GPR35: variants seen among roughly 807,000 people sequenced by gnomAD.
GPR35 encodes the protein G protein-coupled receptor 35.
For synonymous variants in GPR35, 207 were observed against 198.4 expected, an observed-to-expected ratio of 1.04 and a Z score of -0.36; for missense variants, 372 against 422.5, an observed-to-expected ratio of 0.88 and a Z score of 1.05.
chr2:240,625,886 TG>T (rs1301964668), intron 1 of GPR35, among the ~76,000 whole-genome samples: 27 of 79,540 alleles, frequency 3.4e-4, no homozygotes, highest in African/African-American at 6.8e-4. Context: ...GAGGCTGTGA[TG>T]GGGGTCTCAG....
intron 4 of GPR35, among the ~76,000 whole-genome samples, chr2:240,618,025 G>A (rs540957574): frequency 6.6e-6 from 1 of 152,098 alleles, no homozygotes; most frequent in Admixed American, 6.5e-5. Flanking sequence ...TGTGGTTACT[G>A]GATTTGTCGT....
chr2:240,617,367 T>G (rs1559435024), exon 4 of GPR35: 1 of 653,566 alleles, frequency 1.5e-6, no homozygotes, highest in Non-Finnish European at 2.8e-6. Context: ...GATAAAACTC[T>G]GTGGTTTTAA....
At chr2:240,622,251 T>G (rs777888062), upstream of GPR35, among the ~76,000 whole-genome samples, 3 of 152,170 alleles carry the variant, frequency 2.0e-5, no homozygotes, top group Non-Finnish European at 4.4e-5. Context: ...GTCATAGAAG[T>G]GTGTCCACGC....
At chr2:240,623,341 G>GTGAGGGTGCAAACAGGTCA (rs1559437517), upstream of GPR35, among the ~76,000 whole-genome samples, 2 of 136,352 alleles carry the variant, frequency 1.5e-5, no homozygotes, top group East Asian at 2.2e-4. Flanking sequence ...CAAACAGGTC[G>GTGAGGGTGCAAACAGGTCA]TGAGGGCGCA....
intron 2 of GPR35, among the ~76,000 whole-genome samples, chr2:240,614,631 C>G (rs959023431): frequency 6.6e-5 from 10 of 152,336 alleles, no homozygotes; most frequent in African/African-American, 2.4e-4. Context: ...GGGGGCTCAT[C>G]CCCCAGCATG....
chr2:240,606,047 G>A (rs2125472180), intron 1 of GPR35, among the ~76,000 whole-genome samples: 1 of 152,262 alleles, frequency 6.6e-6, no homozygotes, highest in Admixed American at 6.5e-5. Flanking sequence ...ATAGCTTGCA[G>A]GCCATCTGGT....
chr2:240,617,055 G>A, intron 3 of GPR35: 2 of 725,416 alleles, frequency 2.8e-6, no homozygotes, highest in Non-Finnish European at 5.1e-6. Flanking sequence ...CACCTGGATT[G>A]CAGACTCATG....
At chr2:240,609,935 G>A (rs1031614848) in intron 2 of GPR35, among the ~76,000 whole-genome samples, 2 of 151,360 alleles carry the variant, frequency 1.3e-5, no homozygotes, top group African/African-American at 4.8e-5. Flanking sequence ...TATTCTTGAT[G>A]AATTGACCCT....
At chr2:240,613,944 C>G (rs998715851) in intron 2 of GPR35, among the ~76,000 whole-genome samples, 2 of 151,800 alleles carry the variant, frequency 1.3e-5, no homozygotes, top group Admixed American at 6.6e-5. Flanking sequence ...AAACTCTAAC[C>G]CTAACCCTAA....
At chr2:240,619,194 C>CT (rs1282609490) in intron 5 of GPR35, among the ~76,000 whole-genome samples, 2 of 152,208 alleles carry the variant, frequency 1.3e-5, no homozygotes, top group African/African-American at 2.4e-5. Flanking sequence ...TGGTCAGACT[C>CT]TTGGATTTTG....
intron 2 of GPR35, among the ~76,000 whole-genome samples, chr2:240,612,704 C>A (rs182148946): frequency 4.6e-5 from 7 of 152,350 alleles, no homozygotes; most frequent in African/African-American, 1.7e-4. Flanking sequence ...CCGCACACGG[C>A]TCTTCAGCAG....
chr2:240,616,840 G>T, intron 3 of GPR35: 2 of 707,500 alleles, frequency 2.8e-6, no homozygotes, highest in Non-Finnish European at 5.3e-6. Flanking sequence ...TCTCTCGCTG[G>T]CTCTGGGGTA....
chr2:240,614,639 A>T (rs2043221496), intron 2 of GPR35, among the ~76,000 whole-genome samples: 1 of 152,150 alleles, frequency 6.6e-6, no homozygotes, highest in African/African-American at 2.4e-5. Context: ...ATCCCCCAGC[A>T]TGGGTGCTTC....
chr2:240,619,734 C>T (rs188559379), intron 5 of GPR35, among the ~76,000 whole-genome samples: 5 of 152,368 alleles, frequency 3.3e-5, no homozygotes, highest in East Asian at 3.9e-4. Context: ...CCTCCCTCCC[C>T]GCCAGACTCC....
intron 2 of GPR35, among the ~76,000 whole-genome samples, chr2:240,614,345 C>T (rs145714675): frequency 1.5e-4 from 23 of 152,338 alleles, no homozygotes; most frequent in African/African-American, 5.5e-4. Flanking sequence ...AATCCTAACC[C>T]TAATCCAAAT....
At chr2:240,621,835 TA>T (rs2043299273), upstream of GPR35, among the ~76,000 whole-genome samples, 1 of 152,208 alleles carries the variant, frequency 6.6e-6, no homozygotes, top group African/African-American at 2.4e-5. Context: ...GTGTAAAGAC[TA>T]AGCTAAACTG....
In GPR35 at chr2:240,632,157, G is replaced by A. The variant is rs1476948191; in HGVS notation, c.*1275G>A. ...ATGCCCAAAAGGGTCCCATGTCCGG[G>A]AGGGTCCATACGCAAGGGTGTCCAT... On this transcript the variant is annotated 3_prime_UTR_variant, in exon 2 of 2. Transcript: ENST00000407714. Among the ~76,000 whole-genome samples the A allele has an allele frequency of 7.1e-6, 1 of 140,292 alleles. No homozygotes were observed. Among genetic ancestry groups the A allele is most frequent in the Non-Finnish European group, 1.6e-5 (1 of 61,906 alleles). The allele number at this position is 140,292 out of a possible 152,430, so 92.0% of individuals were successfully genotyped here. A position where few individuals can be genotyped will look rare whatever the true frequency, so the allele number is the denominator to read the frequency against.
chr2:240,612,865 G>A (rs1359955725), intron 2 of GPR35, among the ~76,000 whole-genome samples: 2 of 152,246 alleles, frequency 1.3e-5, no homozygotes, highest in Non-Finnish European at 2.9e-5. Flanking sequence ...AGCCTGCAGG[G>A]CCTCCTGGTG....
intron 4 of GPR35, chr2:240,617,485 G>A (rs554593069): frequency 3.3e-4 from 161 of 494,124 alleles, no homozygotes; most frequent in Non-Finnish European, 5.1e-4. Context: ...ATCCATCAGG[G>A]TTTGCAAAGT....
Sources: allele counts gnomAD v4.1 joint callset (sites outside exome capture counted in the v4.1 genomes callset), GRCh38; gene constraint gnomAD v4.1.1; transcripts MANE v1.5; gene names NCBI Gene and HGNC (gene_info 2026-07-23, HGNC 2026-07-21).